Variants in ZNF892 observed in about 807,000 individuals in gnomAD.
ZNF892 encodes the protein zinc finger protein 570-like.
the ZNF892 span, among the ~76,000 whole-genome samples, chr2:95,209,460 A>G: frequency 2.0e-5 from 3 of 152,252 alleles, no homozygotes; most frequent in South Asian, 4.1e-4. Flanking sequence ...GCAAGATGAA[A>G]CATGCCATAG....
the ZNF892 span, among the ~76,000 whole-genome samples, chr2:95,229,122 C>G: frequency 1.8e-3 from 279 of 152,180 alleles, 2 homozygotes; most frequent in African/African-American, 6.6e-3. Context: ...TAAGCTGTGC[C>G]CCGATCACCT....
At chr2:95,218,237 C>G in the ZNF892 span, among the ~76,000 whole-genome samples, 1 of 152,198 alleles carries the variant, frequency 6.6e-6, no homozygotes, top group Non-Finnish European at 1.5e-5. Flanking sequence ...TTTCAAATCT[C>G]TTTAATTGTG....
At chr2:95,258,932 C>A in the ZNF892 span, 1 of 152,240 alleles carries the variant, frequency 6.6e-6, no homozygotes, top group Middle Eastern at 3.4e-3. Flanking sequence ...CATGGGAATT[C>A]TCATAAGGGA....
the ZNF892 span, among the ~76,000 whole-genome samples, chr2:95,258,383 G>GCTACTT: frequency 2.0e-5 from 3 of 152,202 alleles, no homozygotes; most frequent in Non-Finnish European, 2.9e-5. Context: ...ATCCTGATTG[G>GCTACTT]CTACTTCTAA....
chr2:95,260,067 C>G, the ZNF892 span, among the ~76,000 whole-genome samples: 278 of 152,302 alleles, frequency 1.8e-3, 2 homozygotes, highest in African/African-American at 6.5e-3. Flanking sequence ...AGATTCACAC[C>G]CAGGTCCGGC....
chr2:95,222,786 T>C, the ZNF892 span, among the ~76,000 whole-genome samples: 5 of 152,210 alleles, frequency 3.3e-5, no homozygotes, highest in Admixed American at 3.3e-4. Context: ...TGAAGTCCAG[T>C]TTTTCCCTCT....
At chr2:95,208,083 T>G in the ZNF892 span, among the ~76,000 whole-genome samples, 1 of 152,172 alleles carries the variant, frequency 6.6e-6, no homozygotes, top group South Asian at 2.1e-4. Flanking sequence ...TGATAATGAC[T>G]TCTTTTTTGA....
chr2:95,252,331 C>T, the ZNF892 span, among the ~76,000 whole-genome samples: 23 of 149,790 alleles, frequency 1.5e-4, no homozygotes, highest in Admixed American at 6.7e-4. Context: ...TGAGAACATG[C>T]GGTGTTTGGT....
At chr2:95,246,115 A>G in the ZNF892 span, among the ~76,000 whole-genome samples, 7 of 152,248 alleles carry the variant, frequency 4.6e-5, no homozygotes, top group Non-Finnish European at 7.3e-5. Context: ...AAAAATCCTC[A>G]ATAAAATACT....
At chr2:95,243,502 GC>G in the ZNF892 span, among the ~76,000 whole-genome samples, 1 of 146,894 alleles carries the variant, frequency 6.8e-6, no homozygotes, top group East Asian at 2.1e-4. Flanking sequence ...CTGCCCTGCC[GC>G]CCCGTCCGGG....
At chr2:95,263,066 G>A in the ZNF892 span, among the ~76,000 whole-genome samples, 2 of 152,212 alleles carry the variant, frequency 1.3e-5, no homozygotes, top group Admixed American at 6.5e-5. Context: ...CCTGAAATAT[G>A]TAATTGGTTC....
the ZNF892 span, chr2:95,212,392 C>G: frequency 2.5e-6 from 1 of 396,880 alleles, no homozygotes; most frequent in Non-Finnish European, 4.4e-6. Flanking sequence ...AAGTCCCTGT[C>G]TCACCCCTAT....
At chr2:95,224,333 G>A in the ZNF892 span, among the ~76,000 whole-genome samples, 8 of 152,282 alleles carry the variant, frequency 5.3e-5, no homozygotes, top group East Asian at 1.4e-3. Context: ...ATATGATCTG[G>A]TGTGGTTTGA....
At chr2:95,208,242 T>C in the ZNF892 span, among the ~76,000 whole-genome samples, 4 of 152,160 alleles carry the variant, frequency 2.6e-5, no homozygotes, top group Admixed American at 2.0e-4. Context: ...GACGCATCAC[T>C]TTTCTGAGTC....
chr2:95,254,636 G>T, the ZNF892 span, among the ~76,000 whole-genome samples: 1 of 152,152 alleles, frequency 6.6e-6, no homozygotes, highest in African/African-American at 2.4e-5. Flanking sequence ...CTATTGATTG[G>T]AATAGTTTCA....
chr2:95,242,291 C>T, the ZNF892 span, among the ~76,000 whole-genome samples: 1 of 152,214 alleles, frequency 6.6e-6, no homozygotes, highest in Non-Finnish European at 1.5e-5. Flanking sequence ...TAACAGCCGA[C>T]CTCTCAGCAG....
the ZNF892 span, among the ~76,000 whole-genome samples, chr2:95,253,210 G>T: frequency 2.0e-5 from 3 of 152,178 alleles, no homozygotes; most frequent in East Asian, 5.8e-4. Context: ...GGGTTTTTAT[G>T]GTTTTAGGTC....
the ZNF892 span, among the ~76,000 whole-genome samples, chr2:95,242,456 C>T: frequency 2.6e-5 from 4 of 152,202 alleles, no homozygotes; most frequent in Admixed American, 2.6e-4. Flanking sequence ...AGGAATTCAT[C>T]ACCACCAGGC....
the ZNF892 span, among the ~76,000 whole-genome samples, chr2:95,258,298 A>G: frequency 6.6e-6 from 1 of 152,138 alleles, no homozygotes; most frequent in South Asian, 2.1e-4. Flanking sequence ...AGGGGTTTTT[A>G]TCCCTAATGC....
Sources: allele counts gnomAD v4.1 joint callset (sites outside exome capture counted in the v4.1 genomes callset), GRCh38; gene constraint gnomAD v4.1.1; transcripts MANE v1.5; gene names NCBI Gene and HGNC (gene_info 2026-07-23, HGNC 2026-07-21).